The following CD8B variants were observed in gnomAD, a reference collection of about 807,000 sequenced individuals.
CD8B encodes T-cell surface glycoprotein CD8 beta chain.
A neutral mutation model predicts 24.2 loss-of-function variants in CD8B; 6 were observed. The observed-to-expected ratio is 0.25, with a 90% confidence interval of 0.14 to 0.49. The LOEUF (loss-of-function observed/expected upper bound fraction) is 0.49. Among genes scored for constraint, CD8B ranks in the 20% least tolerant of loss-of-function variants. The probability of loss-of-function intolerance (pLI) is 0.98; values close to 1 mark genes in which losing one functional copy is unlikely to be tolerated. For missense variants in CD8B, 196 were observed against 271.3 expected (o/e 0.72, Z 1.95); for synonymous variants, 84 against 108.3 (o/e 0.78, Z 1.39).
chr2:86,853,063 G>C lies in CD8B; in HGVS notation c.427C>G (p.Gln143Glu). 1 of 1,544,254 alleles carries C rather than the reference G, an allele frequency of 6.5e-7. No individual in the cohort carries two copies. The highest frequency in any genetic ancestry group is 1.4e-5 in the African/African-American group (1 of 72,718). ...TTGAGGGTGGACTTCTTGGTGGGCT[G>C]GGCAGTGGTGGGAAGGAAATCAACT... ...SVVDFLPTTA[Q>E]PTKKSTLKKR... The change falls in exon 3 of 6, where the codon CAG becomes GAG. Residue 143 changes from glutamine to glutamate, a missense_variant. Gln to Glu is a conservative substitution (Grantham distance 29). Transcript: ENST00000390655.
In CD8B at chr2:86,858,287, C is replaced by T. The variant is rs184840038; in HGVS notation, c.173G>A (p.Arg58His). Residue 58 changes from arginine (R) to histidine (H), a missense_variant, in exon 2 of 6, where the codon CGC becomes CAC. Arg to His is a conservative substitution (Grantham distance 29). Transcript: ENST00000390655. ...SNMRIYWLRQ[R>H]QAPSSDSHHE... ...GTGACTGTCACTGCTCGGTGCCTGG[C>T]GCTGTCTCAGCCAGTAGATGCGCAT... The T allele has an allele frequency of 9.9e-6, 16 of 1,613,874 alleles. No individual in the cohort carries two copies. Among genetic ancestry groups the T allele is most frequent in the Middle Eastern group, 1.6e-4 (1 of 6,078 alleles).
At chr2:86,834,488 A>ACACACACACACAC (rs199775749), downstream of CD8B, among the ~76,000 whole-genome samples, 2 of 142,222 alleles carry the variant, frequency 1.4e-5, no homozygotes, top group Non-Finnish European at 1.6e-5. Context: ...ACACACACAC[A>ACACACACACACAC]AAAGTCTTAA....
chr2:86,846,831 G>T, intron 3 of CD8B, 58 bp from the exon 4 acceptor site: 3 of 1,221,646 alleles, frequency 2.5e-6, no homozygotes, highest in South Asian at 1.3e-5. Context: ...CATGAGACAC[G>T]CAGAAAAATA....
chr2:86,847,018 A>C (rs1472102887), intron 3 of CD8B, among the ~76,000 whole-genome samples: 4 of 140,658 alleles, frequency 2.8e-5, no homozygotes, highest in Non-Finnish European at 6.0e-5. Flanking sequence ...GCTTACTGCA[A>C]CTTCCGCCTC....
At chr2:86,848,377 T>C (rs1022062174) in intron 3 of CD8B, among the ~76,000 whole-genome samples, 1 of 152,238 alleles carries the variant, frequency 6.6e-6, no homozygotes, top group African/African-American at 2.4e-5. Context: ...TGGGAACTTG[T>C]ATGATTTTTC....
At chr2:86,847,239 C>T (rs1180816053) in intron 3 of CD8B, among the ~76,000 whole-genome samples, 2 of 151,902 alleles carry the variant, frequency 1.3e-5, no homozygotes, top group Admixed American at 6.6e-5. Flanking sequence ...GTCCGGCCAT[C>T]GTCTAGTCTT....
chr2:86,832,307 C>T (rs965898981), intron 5 of CD8B, among the ~76,000 whole-genome samples: 3 of 151,772 alleles, frequency 2.0e-5, no homozygotes, highest in East Asian at 3.9e-4. Flanking sequence ...GGTGAAACCT[C>T]GTCTCTACTA....
rs987673043 is a variant in CD8B at position 86,841,568 on chromosome 2, T to C, written c.*739A>G. ...CTGTAGATGGGCTTTCGCACGTTTA[T>C]GTCACAGGAGCCGTTTGTTATCTTT... is the stretch of plus-strand genomic sequence containing the variant. On this transcript the variant is annotated 3_prime_UTR_variant, in exon 6 of 6. Coordinates refer to ENST00000390655, the MANE Select transcript of CD8B (RefSeq NM_004931.5). 3.0e-6 allele frequency: 3 copies of C among 985,218 alleles called. No homozygotes were observed. The African/African-American group carries it at 5.2e-5, about 17-fold the overall frequency. The allele number at this position is 985,218 out of a possible 1,614,324, so 61.0% of individuals were successfully genotyped here.
intron 5 of CD8B, among the ~76,000 whole-genome samples, chr2:86,817,170 T>A (rs868743934): frequency 1.3e-5 from 2 of 152,132 alleles, no homozygotes; most frequent in Non-Finnish European, 2.9e-5. Flanking sequence ...TGAGGGAGGA[T>A]ATGACCAAAT....
chr2:86,853,310 CAT>C (rs1676068502), intron 2 of CD8B, among the ~76,000 whole-genome samples: 1 of 151,684 alleles, frequency 6.6e-6, no homozygotes, highest in South Asian at 2.1e-4. Flanking sequence ...GGCGTGGTGG[CAT>C]ATGCCTACAG....
At chr2:86,831,524 A>G (rs907701294) in intron 5 of CD8B, among the ~76,000 whole-genome samples, 3 of 152,262 alleles carry the variant, frequency 2.0e-5, no homozygotes, top group Non-Finnish European at 4.4e-5. Flanking sequence ...ATGAGGAGAG[A>G]GAAACTTCTT....
intron 5 of CD8B, among the ~76,000 whole-genome samples, chr2:86,826,513 A>G (rs2104506463): frequency 6.6e-6 from 1 of 152,294 alleles, no homozygotes; most frequent in Admixed American, 6.5e-5. Context: ...GCGGTGACCC[A>G]GGAAGGGTGG....
intron 3 of CD8B, among the ~76,000 whole-genome samples, chr2:86,850,878 G>T (rs930951909): frequency 3.3e-5 from 5 of 152,138 alleles, no homozygotes; most frequent in African/African-American, 9.7e-5. Context: ...ATCACCTGAA[G>T]TCAGGAGCTC....
chr2:86,846,937 T>C (rs1344674733), intron 3 of CD8B, among the ~76,000 whole-genome samples, 164 bp from the exon 4 acceptor site: 5 of 127,828 alleles, frequency 3.9e-5, no homozygotes, highest in South Asian at 2.7e-4. Context: ...ATTTTTTTTT[T>C]TTTTTTTTTT....
intron 5 of CD8B, among the ~76,000 whole-genome samples, chr2:86,823,774 C>T (rs1208780354): frequency 1.3e-5 from 2 of 152,082 alleles, no homozygotes; most frequent in African/African-American, 4.8e-5. Context: ...GTGTAGTGGA[C>T]AGAGATAACA....
chr2:86,849,828 T>C (rs1360207082), intron 3 of CD8B, among the ~76,000 whole-genome samples: 1 of 150,668 alleles, frequency 6.6e-6, no homozygotes, highest in Non-Finnish European at 1.5e-5. Context: ...CTCAGCCTCC[T>C]AAGTCGTTGG....
chr2:86,824,173 A>T (rs1351075916), intron 5 of CD8B, among the ~76,000 whole-genome samples: 1 of 146,180 alleles, frequency 6.8e-6, no homozygotes, highest in Non-Finnish European at 1.5e-5. Flanking sequence ...ACACTGAGGA[A>T]CAAGTGCCAA....
chr2:86,816,668 G>A (rs906153901), intron 5 of CD8B, among the ~76,000 whole-genome samples: 1 of 152,104 alleles, frequency 6.6e-6, no homozygotes, highest in Non-Finnish European at 1.5e-5. Flanking sequence ...CTTCCCATGT[G>A]GGAAAAACGT....
At chr2:86,835,399 A>G (rs1312954621), downstream of CD8B, among the ~76,000 whole-genome samples, 7 of 152,130 alleles carry the variant, frequency 4.6e-5, no homozygotes, top group Non-Finnish European at 8.8e-5. Flanking sequence ...CCCAAACTCC[A>G]TCTTCTGCCC....
Sources: gnomAD v4.1 joint callset for allele counts (sites outside exome capture counted in the v4.1 genomes callset) on GRCh38, gnomAD v4.1.1 for gene constraint, MANE v1.5 for transcripts, NCBI Gene and HGNC (gene_info 2026-07-23, HGNC 2026-07-21) for gene names.